Variants in PTPRN2 observed in about 807,000 individuals in gnomAD.
PTPRN2 encodes protein tyrosine phosphatase receptor type N2.
A neutral mutation model predicts 118.8 loss-of-function variants in PTPRN2; 74 were observed. That is an observed-to-expected ratio of 0.62 (90% CI 0.52 to 0.76). The LOEUF (loss-of-function observed/expected upper bound fraction) is 0.76. Ranked by LOEUF, PTPRN2 falls within the 30% of genes least tolerant of loss-of-function variation. PTPRN2 has a pLI of 0.00. For synonymous variants in PTPRN2, 641 were observed against 608.0 expected, an observed-to-expected ratio of 1.05 and a Z score of -0.80; for missense variants, 1,481 against 1,394.4, an observed-to-expected ratio of 1.06 and a Z score of -0.99.
rs35710138 is a variant in PTPRN2 at position 158,058,356 on chromosome 7, C to A, written c.1723+22942G>T. The stretch of plus-strand genomic sequence containing the variant: ...ATCACTACAGCCACGCTCCATCTGC[C>A]CACGGTGACACATCACTGCAGCCAC... On this transcript the variant is annotated intron_variant, in intron 11 of 22. Coordinates refer to ENST00000389418, the MANE Select transcript of PTPRN2 (RefSeq NM_002847.5). Among the ~76,000 whole-genome samples the A allele has an allele frequency of 6.9e-4, 95 of 136,978 alleles. 1 individual carries two copies. The highest frequency in any genetic ancestry group is 2.6e-3 in the African/African-American group (90 of 34,334). 89.9% of individuals were successfully genotyped at this position (136,978 alleles called of 152,430 possible). A position where few individuals can be genotyped will look rare whatever the true frequency, so the allele number is the denominator to read the frequency against.
intron 1 of PTPRN2, among the ~76,000 whole-genome samples, chr7:158,534,616 C>A (rs1288135291): frequency 6.6e-6 from 1 of 152,188 alleles, no homozygotes; most frequent in African/African-American, 2.4e-5. Flanking sequence ...AATGGAGCTG[C>A]CACTCAGCTT....
intron 11 of PTPRN2, among the ~76,000 whole-genome samples, chr7:158,033,048 C>T (rs1479012433): frequency 6.6e-6 from 1 of 152,058 alleles, no homozygotes; most frequent in Non-Finnish European, 1.5e-5. Context: ...TTCTGTCTCC[C>T]AGGTGCTGTG....
intron 2 of PTPRN2, among the ~76,000 whole-genome samples, chr7:158,342,571 C>G (rs71547523): frequency 6.8e-6 from 1 of 146,486 alleles, no homozygotes; most frequent in African/African-American, 2.6e-5. Context: ...AGAGCTGACA[C>G]CTGCAGACGT....
At chr7:157,767,633 A>T (rs1802564085) in intron 12 of PTPRN2, among the ~76,000 whole-genome samples, 1 of 152,200 alleles carries the variant, frequency 6.6e-6, no homozygotes, top group Non-Finnish European at 1.5e-5. Context: ...CTGCCAGGCC[A>T]GTCTGCCTTC....
At chr7:158,373,469 T>G (rs1371939924) in intron 2 of PTPRN2, among the ~76,000 whole-genome samples, 1 of 152,232 alleles carries the variant, frequency 6.6e-6, no homozygotes, top group East Asian at 1.9e-4. Flanking sequence ...TTCTTTTTAG[T>G]AAACTAGTAT....
chr7:157,884,083 C>T (rs1052550559), intron 12 of PTPRN2, among the ~76,000 whole-genome samples: 4 of 151,624 alleles, frequency 2.6e-5, no homozygotes, highest in African/African-American at 9.7e-5. Context: ...GAGACCAGAA[C>T]ATACCACCCC....
At chr7:157,589,740 G>T (rs1202892401) in intron 17 of PTPRN2, among the ~76,000 whole-genome samples, 1 of 152,218 alleles carries the variant, frequency 6.6e-6, no homozygotes, top group Non-Finnish European at 1.5e-5. Context: ...CCCTTCTTCA[G>T]ATTTAAATTA....
intron 12 of PTPRN2, among the ~76,000 whole-genome samples, chr7:157,897,860 T>C (rs1475605394): frequency 6.6e-6 from 1 of 152,242 alleles, no homozygotes; most frequent in Non-Finnish European, 1.5e-5. Flanking sequence ...GTTAATTATC[T>C]CTAATGGCGA....
intron 12 of PTPRN2, among the ~76,000 whole-genome samples, chr7:157,776,397 A>C (rs149869929): frequency 0.029 from 219 of 7,518 alleles, no homozygotes; most frequent in Non-Finnish European, 0.032. Flanking sequence ...CTCCTCCTCC[A>C]TCTCCTCCTC....
chr7:158,008,758 C>T (rs1409186889), intron 11 of PTPRN2, among the ~76,000 whole-genome samples: 4 of 152,238 alleles, frequency 2.6e-5, no homozygotes, highest in Non-Finnish European at 4.4e-5. Context: ...ATTTCAGTGA[C>T]TCTAGTATCA....
chr7:158,516,518 T>A (rs1008463991), intron 1 of PTPRN2, among the ~76,000 whole-genome samples: 1 of 152,060 alleles, frequency 6.6e-6, no homozygotes, highest in East Asian at 1.9e-4. Context: ...TTCTGCCTAT[T>A]GTTCTTGGTG....
chr7:158,149,283 A>C lies in PTPRN2; in HGVS notation c.911-10768T>G, dbSNP rs971910372. 3.3e-5 allele frequency among the ~76,000 whole-genome samples: 5 copies of C among 152,236 alleles called. 1 individual carries two copies. Among genetic ancestry groups the C allele is most frequent in the African/African-American group, 9.6e-5 (4 of 41,524 alleles). On this transcript the variant is annotated intron_variant, in intron 6 of 22. Coordinates refer to ENST00000389418, the MANE Select transcript of PTPRN2 (RefSeq NM_002847.5). ...CAATTTCCAACCAAAAGACCTCCAA[A>C]CTTTTATAAAGCAATGTCATCAATG... is the stretch of plus-strand genomic sequence containing the variant.
intron 9 of PTPRN2, among the ~76,000 whole-genome samples, chr7:158,119,288 T>C (rs1197511582): frequency 6.6e-6 from 1 of 152,114 alleles, no homozygotes; most frequent in Non-Finnish European, 1.5e-5. Flanking sequence ...ACATCACTAA[T>C]CATTAGGAAA....
Position 158,584,864 on chromosome 7 carries a change from A to G in PTPRN2, c.112+2694T>C, listed in dbSNP as rs75124689. Among the ~76,000 whole-genome samples the G allele has an allele frequency of 1.5e-3, 235 of 152,350 alleles. 3 individuals are homozygous for G. In the East Asian group the frequency reaches 0.025, roughly 16 times the overall value. On this transcript the variant is annotated intron_variant, in intron 1 of 22. Coordinates refer to ENST00000389418, the MANE Select transcript of PTPRN2 (RefSeq NM_002847.5). ...CCTTGCTCAAGACAAGGCATCCTAT[A>G]TAAAAAGAATTGGTCTTTAGGTCTT...
intron 2 of PTPRN2, among the ~76,000 whole-genome samples, chr7:158,346,405 G>T (rs1807517485): frequency 6.6e-6 from 1 of 152,136 alleles, no homozygotes; most frequent in Non-Finnish European, 1.5e-5. Flanking sequence ...TCTGTGCCTG[G>T]CTTATTTCAC....
chr7:157,814,292 A>G (rs1373407026), intron 12 of PTPRN2, among the ~76,000 whole-genome samples: 1 of 152,182 alleles, frequency 6.6e-6, no homozygotes, highest in African/African-American at 2.4e-5. Context: ...CGTGAAGGAA[A>G]CGTGGGTGTC....
At chr7:158,091,071 G>A (rs754881865) in intron 10 of PTPRN2, among the ~76,000 whole-genome samples, 1 of 152,208 alleles carries the variant, frequency 6.6e-6, no homozygotes, top group Non-Finnish European at 1.5e-5. Flanking sequence ...GCTTCTATTT[G>A]GTTGGGTTAG....
At chr7:158,448,006 A>T (rs1817845316) in intron 2 of PTPRN2, among the ~76,000 whole-genome samples, 1 of 152,226 alleles carries the variant, frequency 6.6e-6, no homozygotes, top group Non-Finnish European at 1.5e-5. Flanking sequence ...GGGCCAGGCC[A>T]GGTGCCGACT....
At chr7:157,748,743 G>C (rs1374293058) in intron 12 of PTPRN2, among the ~76,000 whole-genome samples, 1 of 131,642 alleles carries the variant, frequency 7.6e-6, no homozygotes, top group Non-Finnish European at 1.6e-5. Flanking sequence ...GCTGTGGGCT[G>C]TCCGGGTGAT....
Sources: allele counts gnomAD v4.1 joint callset (sites outside exome capture counted in the v4.1 genomes callset), GRCh38; gene constraint gnomAD v4.1.1; transcripts MANE v1.5; gene names NCBI Gene and HGNC (gene_info 2026-07-23, HGNC 2026-07-21).